PTPRM: variants seen among roughly 807,000 people sequenced by gnomAD.
PTPRM encodes the protein protein tyrosine phosphatase receptor type M, also known as receptor-type tyrosine-protein phosphatase mu.
PTPRM carries 47 observed loss-of-function variants against 186.7 expected under a neutral mutation model. The observed-to-expected ratio is 0.25, with a 90% CI of 0.20 to 0.32. The LOEUF (loss-of-function observed/expected upper bound fraction) is 0.32, where lower values mean the gene tolerates loss of function less well. Among genes scored for constraint, PTPRM ranks in the 10% least tolerant of loss-of-function variants. The pLI, the probability that PTPRM is intolerant of heterozygous loss-of-function variation, is 1.00. For missense variants in PTPRM, 1,494 were observed against 1,865.0 expected, an observed-to-expected ratio of 0.80 and a Z score of 3.66; for synonymous variants, 668 against 674.9, an observed-to-expected ratio of 0.99 and a Z score of 0.16.
chr18:7,783,006 T>A (rs777643111), intron 2 of PTPRM, among the ~76,000 whole-genome samples: 1 of 152,242 alleles, frequency 6.6e-6, no homozygotes. Flanking sequence ...GTATACAAAT[T>A]AGCCTGTGTT....
At chr18:8,294,322 A>C (rs1287408894) in intron 19 of PTPRM, among the ~76,000 whole-genome samples, 2 of 152,234 alleles carry the variant, frequency 1.3e-5, no homozygotes, top group Non-Finnish European at 2.9e-5. Context: ...ATTGATGCAC[A>C]GCTCCACAGG....
chr18:8,380,172 A>G, intron 28 of PTPRM, 124 bp from the exon 29 acceptor site: 1 of 1,022,538 alleles, frequency 9.8e-7, no homozygotes. Context: ...TGGTGACAGA[A>G]TTCAACAGCT....
At chr18:7,598,939 C>A (rs935068104) in intron 1 of PTPRM, among the ~76,000 whole-genome samples, 2 of 152,076 alleles carry the variant, frequency 1.3e-5, no homozygotes, top group African/African-American at 4.8e-5. Context: ...GCTTAAAGAG[C>A]TGAGCAAATC....
At position 8,238,662 on chromosome 18, in the gene PTPRM, T is replaced by TG. The variant is rs1568578214; in HGVS notation, c.2301-5396_2301-5395insG. Among the ~76,000 whole-genome samples the TG allele has an allele frequency of 5.5e-4, 75 of 136,282 alleles. 1 individual carries two copies. The highest frequency in any genetic ancestry group is 1.9e-3 in the African/African-American group (68 of 36,194). 89.4% of individuals were successfully genotyped at this position (136,282 alleles called of 152,430 possible). The stretch of plus-strand genomic sequence containing the variant: ...ACACTGTTTTGTGTGTTTTTTTTTT[T>TG]TTTTTTTTTTTTTTTTTTTTTTGCG... On this transcript the variant is annotated intron_variant, in intron 14 of 32. Transcript: ENST00000580170.
intron 23 of PTPRM, among the ~76,000 whole-genome samples, chr18:8,358,098 T>G (rs2095573268): frequency 6.6e-6 from 1 of 152,062 alleles, no homozygotes; most frequent in South Asian, 2.1e-4. Flanking sequence ...ACAACATATT[T>G]ACACATGCAC....
chr18:7,718,290 A>G (rs1248154507), intron 1 of PTPRM, among the ~76,000 whole-genome samples: 1 of 152,190 alleles, frequency 6.6e-6, no homozygotes, highest in African/African-American at 2.4e-5. Flanking sequence ...TAGACAAAGC[A>G]TATAAATACA....
chr18:8,222,237 T>G (rs78077895), intron 14 of PTPRM, among the ~76,000 whole-genome samples: 9 of 152,166 alleles, frequency 5.9e-5, no homozygotes, highest in Admixed American at 4.6e-4. Flanking sequence ...GAATGAATAC[T>G]GGAAAAGACA....
At chr18:7,747,600 C>G (rs2041025085) in intron 1 of PTPRM, 1 of 152,324 alleles carries the variant, frequency 6.6e-6, no homozygotes, top group Non-Finnish European at 1.5e-5. Flanking sequence ...TGTTCCTTGG[C>G]TTTGTAGGTG....
At chr18:7,759,064 T>C (rs1194526862) in intron 1 of PTPRM, among the ~76,000 whole-genome samples, 1 of 152,220 alleles carries the variant, frequency 6.6e-6, no homozygotes, top group Non-Finnish European at 1.5e-5. Flanking sequence ...GGGTTGCAGC[T>C]ACTAAGCACA....
chr18:7,976,328 A>G (rs1296406249), intron 7 of PTPRM, among the ~76,000 whole-genome samples: 1 of 152,266 alleles, frequency 6.6e-6, no homozygotes, highest in African/African-American at 2.4e-5. Flanking sequence ...GGTAGATCAT[A>G]GAGGACTTTT....
chr18:7,701,651 G>C lies in PTPRM; in HGVS notation c.74-72498G>C, dbSNP rs75588405. On this transcript the variant is annotated intron_variant, in intron 1 of 32. Transcript: ENST00000580170. The stretch of plus-strand genomic sequence containing the variant: ...ATTGAGGAGAGAAGGAGACTATTAT[G>C]AGCTTTCAAAGATAATAAGCAGGTA... 6.6e-5 allele frequency among the ~76,000 whole-genome samples: 10 copies of C among 151,986 alleles called. No individual in the cohort carries two copies. In the East Asian group the frequency reaches 1.9e-3, roughly 29 times the overall value.
chr18:7,716,783 A>G (rs1006333226), intron 1 of PTPRM, among the ~76,000 whole-genome samples: 7 of 152,216 alleles, frequency 4.6e-5, no homozygotes, highest in African/African-American at 9.6e-5. Flanking sequence ...ATGAGATACC[A>G]TCTCATACCA....
chr18:7,623,613 G>A (rs1283765353), intron 1 of PTPRM, among the ~76,000 whole-genome samples: 1 of 151,994 alleles, frequency 6.6e-6, no homozygotes, highest in East Asian at 1.9e-4. Flanking sequence ...TATTTTTTGG[G>A]TTGTTGGTAT....
chr18:8,111,801 T>G (rs1005711784), intron 11 of PTPRM, among the ~76,000 whole-genome samples: 3 of 152,168 alleles, frequency 2.0e-5, no homozygotes, highest in African/African-American at 7.2e-5. Context: ...ATAAATTAAT[T>G]GAAATGCATT....
chr18:8,193,044 T>C (rs981956405), intron 14 of PTPRM, among the ~76,000 whole-genome samples: 1 of 152,214 alleles, frequency 6.6e-6, no homozygotes, highest in Non-Finnish European at 1.5e-5. Flanking sequence ...TTAAGTGATA[T>C]TGTAAAATCA....
chr18:8,055,516 G>A (rs1037913503), intron 7 of PTPRM, among the ~76,000 whole-genome samples: 3 of 152,040 alleles, frequency 2.0e-5, no homozygotes, highest in Admixed American at 6.6e-5. Context: ...TTTTAAAATT[G>A]GTCATTTTCA....
At position 8,088,777 on chromosome 18, in the gene PTPRM, G is replaced by C. The variant is rs1468085658; in HGVS notation, c.1782G>C (p.Glu594Asp). 10 of 1,612,974 alleles carry C rather than the reference G, an allele frequency of 6.2e-6. No homozygotes were observed. Among genetic ancestry groups the C allele is most frequent in the Non-Finnish European group, 8.5e-6 (10 of 1,179,294 alleles). Reference sequence around the variant, plus strand: ...CCTCTATGCCAGCTTATGAACTTGAGACACCTTTGAATCAAACTGACAATA... The same window carrying C: ...CCTCTATGCCAGCTTATGAACTTGACACACCTTTGAATCAAACTGACAATA... Reference protein sequence around the residue: ...SAPSMPAYELETPLNQTDNTV... With the variant: ...SAPSMPAYELDTPLNQTDNTV... Residue 594 changes from glutamate (E) to aspartate (D), a missense_variant, in exon 11 of 33, where the codon GAG becomes GAC. Glu to Asp is a conservative substitution (Grantham distance 45, BLOSUM62 2). Around this residue, in one of 3 missense-constraint regions of PTPRM, gnomAD observed 1,107 missense variants for 1,350.2 expected, o/e 0.82. Coordinates refer to ENST00000580170, the MANE Select transcript of PTPRM (RefSeq NM_001105244.2).
At chr18:8,123,555 A>G (rs1447811838) in intron 13 of PTPRM, among the ~76,000 whole-genome samples, 1 of 152,220 alleles carries the variant, frequency 6.6e-6, no homozygotes, top group Non-Finnish European at 1.5e-5. Context: ...ATTTATTGAC[A>G]GTTCTGTTGC....
intron 23 of PTPRM, among the ~76,000 whole-genome samples, chr18:8,363,889 G>A (rs116400375): frequency 3.3e-5 from 5 of 152,212 alleles, no homozygotes; most frequent in South Asian, 2.1e-4. Context: ...GAAAACCAGC[G>A]TTGTGGGTAC....
Sources: allele counts gnomAD v4.1 joint callset (sites outside exome capture counted in the v4.1 genomes callset), GRCh38; gene constraint gnomAD v4.1.1; regional missense constraint gnomAD v4.1.1; transcripts MANE v1.5; gene names NCBI Gene and HGNC (gene_info 2026-07-23, HGNC 2026-07-21).